Variants in RALGPS1 observed in about 807,000 individuals in gnomAD.
RALGPS1 encodes the protein Ral GEF with PH domain and SH3 binding motif 1.
In RALGPS1, 19 loss-of-function variants were observed where a neutral mutation model predicts 78.8. The ratio of observed to expected loss-of-function variants is 0.24; its 90% CI spans 0.17 to 0.35. The LOEUF is 0.35. Among genes scored for constraint, RALGPS1 ranks in the 10% least tolerant of loss-of-function variants. The pLI is 1.00. For missense variants in RALGPS1, 454 were observed against 688.3 expected, an observed-to-expected ratio of 0.66 and a Z score of 3.81; for synonymous variants, 228 against 256.3, an observed-to-expected ratio of 0.89 and a Z score of 1.06.
rs143851806 is a variant in RALGPS1, at chr9:127,153,648, C to G, written c.611-12421C>G. Among the ~76,000 whole-genome samples the G allele has an allele frequency of 2.6e-3, 390 of 152,258 alleles. 2 individuals are homozygous for G. Among genetic ancestry groups the G allele is most frequent in the African/African-American group, 8.8e-3 (366 of 41,548 alleles). ...CCTGTGCCCTTGCAGCTTCCTCTCC[C>G]CAATGACCTGCCACCTTCCTTCAGG... On this transcript the variant is annotated intron_variant, in intron 8 of 18. Transcript: ENST00000259351.
intron 4 of RALGPS1, among the ~76,000 whole-genome samples, chr9:127,006,108 T>G (rs1038717367): frequency 2.6e-5 from 4 of 152,230 alleles, no homozygotes; most frequent in Non-Finnish European, 5.9e-5. Context: ...AGCATCATAC[T>G]GAATGGGCAA....
chr9:127,163,300 T>C (rs905023751), intron 8 of RALGPS1, among the ~76,000 whole-genome samples: 2 of 152,198 alleles, frequency 1.3e-5, no homozygotes, highest in Non-Finnish European at 2.9e-5. Flanking sequence ...GAGTTACATT[T>C]TTTTTTAAAT....
chr9:127,039,335 AAGAC>A (rs1680706928), intron 5 of RALGPS1, among the ~76,000 whole-genome samples: 1 of 152,200 alleles, frequency 6.6e-6, no homozygotes, highest in Non-Finnish European at 1.5e-5. Context: ...TGAGTCTTCT[AAGAC>A]AGGGCTAAAA....
Position 127,196,584 on chromosome 9 carries a change from G to T in RALGPS1, c.1148G>T (p.Gly383Val). The T allele has an allele frequency of 6.2e-7, 1 of 1,613,652 alleles. No individual in the cohort carries two copies. The highest frequency in any genetic ancestry group is 8.5e-7 in the Non-Finnish European group (1 of 1,179,716). The change falls in exon 13 of 19, where the codon GGC becomes GTC. Residue 383 changes from glycine to valine, a missense_variant. Coordinates refer to ENST00000259351, the MANE Select transcript of RALGPS1 (RefSeq NM_014636.3). The stretch of plus-strand genomic sequence containing the variant: ...CTAGAGTCCCGCAGCCCCCGAAGGG[G>T]CCTGGCTCTGACCTCCTCCTCTGCT... ...SVLESRSPRR[G>V]LALTSSSAVT...
intron 4 of RALGPS1, among the ~76,000 whole-genome samples, chr9:127,003,007 C>T (rs1356785175): frequency 1.3e-5 from 2 of 152,118 alleles, no homozygotes; most frequent in Non-Finnish European, 2.9e-5. Flanking sequence ...TTCTAGATCC[C>T]TGAGGAATCG....
At chr9:127,215,859 G>A (rs1564812199) in intron 18 of RALGPS1, among the ~76,000 whole-genome samples, 2 of 152,368 alleles carry the variant, frequency 1.3e-5, no homozygotes, top group African/African-American at 2.4e-5. Context: ...AGCCAGAGGA[G>A]GAGCGGGGGA....
At chr9:127,069,423 A>T in intron 8 of RALGPS1, 67 bp downstream of exon 8, 1 of 1,566,652 alleles carries the variant, frequency 6.4e-7, no homozygotes. Flanking sequence ...ATGTTTTTAC[A>T]GTTTCTACCT....
intron 8 of RALGPS1, among the ~76,000 whole-genome samples, chr9:127,151,308 T>G (rs1049381584): frequency 6.6e-6 from 1 of 152,150 alleles, no homozygotes; most frequent in African/African-American, 2.4e-5. Context: ...GACCAGAATT[T>G]TATGGCATCC....
chr9:126,926,894 A>G (rs901579010), intron 1 of RALGPS1, among the ~76,000 whole-genome samples: 2 of 152,162 alleles, frequency 1.3e-5, no homozygotes, highest in African/African-American at 4.8e-5. Flanking sequence ...ACTCGGTGCC[A>G]TGAGATGGTA....
At chr9:126,955,680 T>C (rs868590277) in intron 1 of RALGPS1, among the ~76,000 whole-genome samples, 3 of 152,352 alleles carry the variant, frequency 2.0e-5, no homozygotes, top group African/African-American at 7.2e-5. Context: ...AAAACATTTC[T>C]ATGAGAAGGA....
intron 1 of RALGPS1, among the ~76,000 whole-genome samples, chr9:126,961,919 C>T (rs2038934064): frequency 6.6e-6 from 1 of 152,220 alleles, no homozygotes. Context: ...AGCCACCACT[C>T]AGCTGGCTGA....
chr9:127,168,841 C>A, intron 10 of RALGPS1, 69 bp downstream of exon 10: 1 of 1,323,446 alleles, frequency 7.6e-7, no homozygotes, highest in Non-Finnish European at 1.1e-6. Context: ...CAGGTCCCTG[C>A]AAGTGGCCTA....
rs558039608 is a variant in RALGPS1, at chr9:126,969,442, A to G, written c.165+3491A>G. 1.2e-3 allele frequency among the ~76,000 whole-genome samples: 189 copies of G among 152,286 alleles called. 4 individuals are homozygous for G. The highest frequency in any genetic ancestry group is 0.011 in the Admixed American group (170 of 15,302). The stretch of plus-strand genomic sequence containing the variant: ...TTTTACACTTTATGGTGCTAGCAAC[A>G]TTTCACATGCTCAGTAGCCACATGT... On this transcript the variant is annotated intron_variant, in intron 3 of 18. Coordinates refer to ENST00000259351, the MANE Select transcript of RALGPS1 (RefSeq NM_014636.3).
In RALGPS1 at chr9:127,214,850, C is replaced by A. The variant is rs1242346502; in HGVS notation, c.1644+8C>A. On this transcript the variant is annotated splice_region_variant and intron_variant, in intron 18 of 18. Coordinates refer to ENST00000259351, the MANE Select transcript of RALGPS1 (RefSeq NM_014636.3). Reference sequence around the variant, plus strand: ...AAAAGCAACAGGCCTCAGGTAAAGTCATCAAAATCCTGCTTGTCACCTGAA... The same window carrying A: ...AAAAGCAACAGGCCTCAGGTAAAGTAATCAAAATCCTGCTTGTCACCTGAA... 2 of 1,613,106 alleles carry A rather than the reference C, an allele frequency of 1.2e-6. No homozygotes were observed. The highest frequency in any genetic ancestry group is 2.2e-5 in the South Asian group (2 of 90,802).
intron 8 of RALGPS1, among the ~76,000 whole-genome samples, chr9:127,154,951 C>G (rs548511958): frequency 6.6e-6 from 1 of 152,308 alleles, no homozygotes; most frequent in East Asian, 1.9e-4. Flanking sequence ...AGCCTCGGTT[C>G]TACCCAATAT....
chr9:126,950,423 A>G (rs1564295150), intron 1 of RALGPS1, among the ~76,000 whole-genome samples: 1 of 152,082 alleles, frequency 6.6e-6, no homozygotes, highest in Non-Finnish European at 1.5e-5. Context: ...CATTTTCACG[A>G]TATTGATTCT....
intron 4 of RALGPS1, among the ~76,000 whole-genome samples, chr9:127,001,510 G>A (rs2043306716): frequency 6.6e-6 from 1 of 152,086 alleles, no homozygotes; most frequent in Non-Finnish European, 1.5e-5. Flanking sequence ...TATGTATAGT[G>A]TAAGACATTT....
At chr9:127,106,261 G>A (rs2054205457) in intron 8 of RALGPS1, among the ~76,000 whole-genome samples, 2 of 150,256 alleles carry the variant, frequency 1.3e-5, no homozygotes, top group Non-Finnish European at 1.5e-5. Context: ...CCAAGGGCAC[G>A]TTTTACCCTC....
chr9:126,962,357 T>C lies in RALGPS1; in HGVS notation c.57+11T>C. The C allele has an allele frequency of 6.2e-7, 1 of 1,613,876 alleles. No individual in the cohort carries two copies. Among genetic ancestry groups the C allele is most frequent in the Non-Finnish European group, 8.5e-7 (1 of 1,179,818 alleles). ...TCTGCCACTCCACAGGTACTGAGGCTGCAAGAATCGGGACAGTGGGTAGAG... is the reference window on the plus strand; with the variant it reads ...TCTGCCACTCCACAGGTACTGAGGCCGCAAGAATCGGGACAGTGGGTAGAG... On this transcript the variant is annotated intron_variant, in intron 2 of 18. Transcript: ENST00000259351.
Sources: gnomAD v4.1 joint callset for allele counts (sites outside exome capture counted in the v4.1 genomes callset) on GRCh38, gnomAD v4.1.1 for gene constraint, MANE v1.5 for transcripts, NCBI Gene and HGNC (gene_info 2026-07-23, HGNC 2026-07-21) for gene names.